Variants in GABBR2 observed in about 807,000 individuals in gnomAD.
GABBR2 encodes G-protein coupled receptor 51.
In GABBR2, 23 loss-of-function variants were observed where a neutral mutation model predicts 105.6. That is an observed-to-expected ratio of 0.22 (90% CI 0.16 to 0.31). The LOEUF is 0.31. GABBR2 is among the 10% of genes least tolerant of loss of function. The pLI is 1.00. For synonymous variants in GABBR2, 478 were observed against 499.7 expected (o/e 0.96, Z 0.58); for missense variants, 734 against 1,245.5 (o/e 0.59, Z 6.18).
intron 17 of GABBR2, 132 bp downstream of exon 17, chr9:98,299,092 T>G (rs1337075780): frequency 1.3e-6 from 1 of 777,024 alleles, no homozygotes. Flanking sequence ...ATGCTCCAGC[T>G]CTGTGTGTGT....
intron 12 of GABBR2, among the ~76,000 whole-genome samples, 194 bp from the exon 13 acceptor site, chr9:98,363,031 A>T (rs1419242914): frequency 6.6e-6 from 1 of 151,952 alleles, no homozygotes; most frequent in East Asian, 1.9e-4. Context: ...CACAAGCTTG[A>T]CCTTATCACT....
chr9:98,459,318 C>G (rs1826382753), intron 6 of GABBR2, among the ~76,000 whole-genome samples: 1 of 152,098 alleles, frequency 6.6e-6, no homozygotes, highest in African/African-American at 2.4e-5. Context: ...ACAAGCAGGA[C>G]AGCTAGGACT....
chr9:98,444,375 G>C (rs552300707), intron 7 of GABBR2, among the ~76,000 whole-genome samples: 1 of 152,124 alleles, frequency 6.6e-6, no homozygotes, highest in Admixed American at 6.5e-5. Context: ...GAGAGAGGAG[G>C]GGAGAGACCT....
At chr9:98,394,461 A>G (rs563629356) in intron 8 of GABBR2, among the ~76,000 whole-genome samples, 30 of 152,238 alleles carry the variant, frequency 2.0e-4, no homozygotes, top group African/African-American at 6.7e-4. Context: ...TGTCTCATCA[A>G]CTGGTTGTCC....
chr9:98,472,790 C>G (rs937315397), intron 6 of GABBR2, among the ~76,000 whole-genome samples: 3 of 152,104 alleles, frequency 2.0e-5, no homozygotes, highest in African/African-American at 7.2e-5. Context: ...AGGAGAGCAT[C>G]AACACAACTG....
At chr9:98,359,373 CG>C (rs1831542602) in intron 13 of GABBR2, among the ~76,000 whole-genome samples, 1 of 151,904 alleles carries the variant, frequency 6.6e-6, no homozygotes, top group African/African-American at 2.4e-5. Context: ...GGTTGAGCAG[CG>C]AGCCAAGATC....
chr9:98,617,848 A>G (rs1018221238), intron 1 of GABBR2, among the ~76,000 whole-genome samples: 10 of 152,160 alleles, frequency 6.6e-5, no homozygotes, highest in African/African-American at 2.2e-4. Context: ...GCCAGAGTGG[A>G]CTTACAGCCA....
intron 1 of GABBR2, among the ~76,000 whole-genome samples, chr9:98,604,013 TG>T (rs2131807387): frequency 1.3e-5 from 2 of 152,370 alleles, no homozygotes; most frequent in East Asian, 3.9e-4. Context: ...TCTGTTTGGC[TG>T]GGTTTTGACA....
At position 98,299,212 on chromosome 9, in the gene GABBR2, T is replaced by C. The variant is rs773866368; in HGVS notation, c.2542+12A>G. On this transcript the variant is annotated intron_variant, in intron 17 of 18. Transcript: ENST00000259455. ...AGGTCCCTACCACATTCTGGGGCCCTGGCTCTCTTACCTGTGCTCTCAGTG... is the reference window on the plus strand; with the variant it reads ...AGGTCCCTACCACATTCTGGGGCCCCGGCTCTCTTACCTGTGCTCTCAGTG... 2.5e-6 allele frequency: 4 copies of C among 1,612,894 alleles called. No individual in the cohort carries two copies. The highest frequency in any genetic ancestry group is 1.3e-5 in the African/African-American group (1 of 74,914).
chr9:98,450,830 T>C (rs1052798746), intron 7 of GABBR2, among the ~76,000 whole-genome samples: 1 of 152,184 alleles, frequency 6.6e-6, no homozygotes, highest in Non-Finnish European at 1.5e-5. Context: ...TAATTGCTCA[T>C]CAAGTAAGGA....
At position 98,290,766 on chromosome 9, in the gene GABBR2, G is replaced by C; in HGVS notation, c.2661-17C>G. The C allele has an allele frequency of 6.8e-7, 1 of 1,461,496 alleles. No homozygotes were observed. The highest frequency in any genetic ancestry group is 9.0e-7 in the Non-Finnish European group (1 of 1,114,990). 90.5% of individuals were successfully genotyped at this position (1,461,496 alleles called of 1,614,324 possible). On this transcript the variant is annotated splice_polypyrimidine_tract_variant and intron_variant, in intron 18 of 18. Transcript: ENST00000259455. The stretch of plus-strand genomic sequence containing the variant: ...CGCTGGATGCTGAAGAGAAGGAGAG[G>C]GAGGAGTGTTAGTGAAGGGTAGCTG...
At chr9:98,607,951 C>G in intron 1 of GABBR2, 1 of 1,348,526 alleles carries the variant, frequency 7.4e-7, no homozygotes, top group Admixed American at 2.0e-5. Flanking sequence ...AACTCTGAAG[C>G]TGAGCTCCAG....
intron 1 of GABBR2, among the ~76,000 whole-genome samples, chr9:98,622,983 G>A (rs13300689): frequency 6.6e-6 from 1 of 152,120 alleles, no homozygotes; most frequent in East Asian, 1.9e-4. Flanking sequence ...TCGGTTCATC[G>A]ACTGGAACAA....
At chr9:98,414,729 T>G (rs1832656642) in intron 7 of GABBR2, among the ~76,000 whole-genome samples, 1 of 151,782 alleles carries the variant, frequency 6.6e-6, no homozygotes. Flanking sequence ...TGCGGCCATG[T>G]GACAGTCCTA....
chr9:98,391,517 G>C (rs1832180468), intron 9 of GABBR2, among the ~76,000 whole-genome samples: 1 of 152,176 alleles, frequency 6.6e-6, no homozygotes, highest in Admixed American at 6.5e-5. Flanking sequence ...GAGCGAGCAG[G>C]GAGCAGAGTG....
intron 13 of GABBR2, among the ~76,000 whole-genome samples, chr9:98,334,402 G>A: frequency 6.6e-6 from 1 of 152,186 alleles, no homozygotes; most frequent in Non-Finnish European, 1.5e-5. Context: ...GGCTTGGGCT[G>A]GGTTCCAGTT....
At chr9:98,575,536 C>T (rs1012689938) in intron 2 of GABBR2, among the ~76,000 whole-genome samples, 14 of 152,158 alleles carry the variant, frequency 9.2e-5, no homozygotes, top group African/African-American at 2.9e-4. Flanking sequence ...AGTCCTATTA[C>T]TACCTTGATT....
At chr9:98,505,491 T>G (rs1477892887) in intron 3 of GABBR2, among the ~76,000 whole-genome samples, 3 of 151,518 alleles carry the variant, frequency 2.0e-5, no homozygotes, top group Non-Finnish European at 4.4e-5. Flanking sequence ...ATGTTCACAG[T>G]GCAGAGCCAG....
At chr9:98,397,121 T>C (rs1451688071) in intron 8 of GABBR2, among the ~76,000 whole-genome samples, 1 of 152,188 alleles carries the variant, frequency 6.6e-6, no homozygotes, top group Non-Finnish European at 1.5e-5. Context: ...TTTACCCCCA[T>C]ACTGAGCAGG....
Sources: allele counts gnomAD v4.1 joint callset (sites outside exome capture counted in the v4.1 genomes callset), GRCh38; gene constraint gnomAD v4.1.1; transcripts MANE v1.5; gene names NCBI Gene and HGNC (gene_info 2026-07-23, HGNC 2026-07-21).